HAS3: variants seen among roughly 807,000 people sequenced by gnomAD.
The protein encoded by HAS3 is hyaluronan synthase 3, also known as HA synthase 3.
In HAS3, 27 loss-of-function variants were observed where a neutral mutation model predicts 50.3. That is an observed-to-expected ratio of 0.54 (90% CI 0.40 to 0.74). HAS3 has a LOEUF of 0.74. Among genes scored for constraint, HAS3 ranks in the 30% least tolerant of loss-of-function variants. The pLI, the probability that HAS3 is intolerant of heterozygous loss-of-function variation, is 0.00. For missense variants in HAS3, 517 were observed against 742.8 expected (o/e 0.70, Z 3.53); for synonymous variants, 339 against 310.9 (o/e 1.09, Z -0.95).
chr16:69,112,512 C>T (rs1185454584), intron 2 of HAS3, among the ~76,000 whole-genome samples: 3 of 152,206 alleles, frequency 2.0e-5, no homozygotes, highest in African/African-American at 7.2e-5. Flanking sequence ...GAATCTTACT[C>T]AGCAACTTTA....
chr16:69,089,860 T>A, the HAS3 span, among the ~76,000 whole-genome samples: 1 of 152,204 alleles, frequency 6.6e-6, no homozygotes, highest in East Asian at 1.9e-4. Flanking sequence ...CCTCTGCGGT[T>A]CTTTGTAACA....
In HAS3 at chr16:69,107,265, G is replaced by T. The variant is rs1960832557; in HGVS notation, c.-1+1478G>T. 1.1e-6 allele frequency: 1 copy of T among 913,036 alleles called. No individual in the cohort carries two copies. The allele number at this position is 913,036 out of a possible 1,614,324, so 56.6% of individuals were successfully genotyped here. ...GGACATTTTGGGGGCCTCTATTTGG[G>T]GGTGGGGGTAGTAACCTGGGTAATG... is the stretch of plus-strand genomic sequence containing the variant. On this transcript the variant is annotated intron_variant, in intron 1 of 3. Coordinates refer to ENST00000569188, the MANE Select transcript of HAS3 (RefSeq NM_001199280.2). The surrounding 1 kb of genome is among the most constrained non-coding windows in gnomAD (Gnocchi z 5.5).
rs1213468180 is a variant in HAS3 at position 69,106,235 on chromosome 16, G to GCCGGC, written c.-1+448_-1+449insCCGGC. ...TGGGCAGGCGGCAGTCGGAGCGCGC[G>GCCGGC]GCGGCGCGGAGCGGAGCGGGAGGAG... is the stretch of plus-strand genomic sequence containing the variant. On this transcript the variant is annotated intron_variant, in intron 1 of 3. Transcript: ENST00000569188. The surrounding 1 kb of genome is among the most constrained non-coding windows in gnomAD (Gnocchi z 5.5). 6.6e-6 allele frequency: 1 copy of GCCGGC among 152,048 alleles called. No homozygotes were observed. Among genetic ancestry groups the GCCGGC allele is most frequent in the African/African-American group, 2.4e-5 (1 of 41,340 alleles). 9.4% of individuals were successfully genotyped at this position (152,048 alleles called of 1,614,324 possible). A position where few individuals can be genotyped will look rare whatever the true frequency, so the allele number is the denominator to read the frequency against.
the HAS3 span, among the ~76,000 whole-genome samples, chr16:69,095,494 A>G: frequency 6.6e-6 from 1 of 151,676 alleles, no homozygotes; most frequent in South Asian, 2.1e-4. Flanking sequence ...CCCTGGATGC[A>G]GAATAGAATT....
At chr16:69,097,483 GCTTAC>G in the HAS3 span, among the ~76,000 whole-genome samples, 1 of 151,780 alleles carries the variant, frequency 6.6e-6, no homozygotes, top group Non-Finnish European at 1.5e-5. Flanking sequence ...TTCGGAACAA[GCTTAC>G]CTTAAGTGTA....
chr16:69,110,124 C>T, intron 2 of HAS3, 93 bp downstream of exon 2: 11 of 1,308,996 alleles, frequency 8.4e-6, no homozygotes, highest in Middle Eastern at 2.7e-4. Flanking sequence ...TGGTCTAGGT[C>T]CCTTGGGTTG....
upstream of HAS3, among the ~76,000 whole-genome samples, chr16:69,104,603 TTTTTAA>T (rs1960738459): frequency 6.6e-6 from 1 of 152,158 alleles, no homozygotes; most frequent in South Asian, 2.1e-4. Flanking sequence ...CCTGGCTAAT[TTTTTAA>T]TTTTAATTTT....
the HAS3 span, chr16:69,084,730 G>A: frequency 6.6e-6 from 1 of 152,364 alleles, no homozygotes; most frequent in African/African-American, 2.4e-5. Flanking sequence ...TCAGTCCTCA[G>A]CTTTGCAGGG....
the HAS3 span, among the ~76,000 whole-genome samples, chr16:69,085,460 C>G: frequency 6.6e-6 from 1 of 152,126 alleles, no homozygotes; most frequent in Non-Finnish European, 1.5e-5. Context: ...GAGGTGGGGT[C>G]TCACTACGTT....
chr16:69,118,219 T>G (rs1961309287), downstream of HAS3: 2 of 644,718 alleles, frequency 3.1e-6, no homozygotes, highest in Admixed American at 2.5e-5. Flanking sequence ...GGGAGTTGGA[T>G]GAGTAGAGGG....
the HAS3 span, among the ~76,000 whole-genome samples, chr16:69,085,343 G>T: frequency 5.9e-5 from 9 of 152,164 alleles, no homozygotes; most frequent in African/African-American, 9.7e-5. Context: ...AAATCCTCGA[G>T]TGCCTCATGA....
At chr16:69,093,677 T>G in the HAS3 span, among the ~76,000 whole-genome samples, 2 of 151,718 alleles carry the variant, frequency 1.3e-5, no homozygotes, top group Admixed American at 1.3e-4. Context: ...ATTACAGACA[T>G]GTGCCACCAC....
the HAS3 span, among the ~76,000 whole-genome samples, chr16:69,087,913 A>C: frequency 6.6e-6 from 1 of 151,002 alleles, no homozygotes; most frequent in East Asian, 2.0e-4. Flanking sequence ...CATGTTAGCC[A>C]GGCTGGTCTC....
At chr16:69,086,016 C>T in the HAS3 span, among the ~76,000 whole-genome samples, 1 of 151,610 alleles carries the variant, frequency 6.6e-6, no homozygotes, top group African/African-American at 2.4e-5. Context: ...CACAGGTGTG[C>T]ACCACCATGC....
At chr16:69,085,300 C>G in the HAS3 span, 1 of 152,440 alleles carries the variant, frequency 6.6e-6, no homozygotes, top group South Asian at 2.1e-4. Flanking sequence ...CCTGATTGAC[C>G]ACCTTGATTA....
Position 69,114,286 on chromosome 16 carries a change from A to T in HAS3, c.739-57A>T. On this transcript the variant is annotated intron_variant, in intron 3 of 3. Transcript: ENST00000569188. This position sits in a 1 kb window ranked among gnomAD's most constrained non-coding sequence, Gnocchi z 6.4. Reference sequence around the variant, plus strand: ...TGGTAAGGAGGCCTCGTGGTCTCTGATGTCTGTCCTCCGGACGTGCAACCT... The same window carrying T: ...TGGTAAGGAGGCCTCGTGGTCTCTGTTGTCTGTCCTCCGGACGTGCAACCT... 1 of 1,524,688 alleles carries T rather than the reference A, an allele frequency of 6.6e-7. No homozygotes were observed. Among genetic ancestry groups the T allele is most frequent in the East Asian group, 2.3e-5 (1 of 44,188 alleles). The allele number at this position is 1,524,688 out of a possible 1,614,324, so 94.4% of individuals were successfully genotyped here.
chr16:69,089,681 C>T, the HAS3 span, among the ~76,000 whole-genome samples: 2 of 152,192 alleles, frequency 1.3e-5, no homozygotes, highest in African/African-American at 4.8e-5. Context: ...GCTCAGCGCC[C>T]TCTGCACAGG....
In HAS3 at chr16:69,114,772, C is replaced by T. The variant is rs926767067; in HGVS notation, c.1168C>T (p.Pro390Ser). 3.1e-6 allele frequency: 5 copies of T among 1,614,022 alleles called. No homozygotes were observed. Among genetic ancestry groups the T allele is most frequent in the Non-Finnish European group, 4.2e-6 (5 of 1,180,042 alleles). Residue 390 changes from proline to serine, a missense_variant, in exon 4 of 4, where the codon CCC (proline) becomes TCC (serine). Pro to Ser is a moderately conservative substitution (Grantham distance 74). Transcript: ENST00000569188. This position sits in a 1 kb window ranked among gnomAD's most constrained non-coding sequence, Gnocchi z 6.4. ...TYESVVTGFF[P>S]FFLIATVIQL... ...CGAGTCAGTGGTCACGGGTTTCTTC[C>T]CCTTCTTCCTCATTGCCACGGTTAT...
At chr16:69,096,534 C>CAAAA in the HAS3 span, among the ~76,000 whole-genome samples, 50 of 35,346 alleles carry the variant, frequency 1.4e-3, no homozygotes, top group East Asian at 5.2e-3. Context: ...GACTCTGTCT[C>CAAAA]AAAAAAAAAA....
Sources: gnomAD v4.1 joint callset for allele counts (sites outside exome capture counted in the v4.1 genomes callset) on GRCh38, gnomAD v4.1.1 for gene constraint, Gnocchi (gnomAD v3.1) non-coding constraint, MANE v1.5 for transcripts, NCBI Gene and HGNC (gene_info 2026-07-23, HGNC 2026-07-21) for gene names.